Variants in MYO5A observed in about 807,000 individuals in gnomAD.
The protein encoded by MYO5A is myosin VA, also known as unconventional myosin-Va.
In MYO5A, 98 loss-of-function variants were observed where a neutral mutation model predicts 249.7. That is an observed-to-expected ratio of 0.39 (90% confidence interval 0.33 to 0.46). The LOEUF is 0.46. Ranked by LOEUF, MYO5A falls within the 20% of genes least tolerant of loss-of-function variation. The pLI is 0.98. For missense variants in MYO5A, 1,696 were observed against 2,308.8 expected (o/e 0.73, Z 5.44); for synonymous variants, 778 against 810.6 (o/e 0.96, Z 0.68).
At chr15:52,516,272 T>C (rs982530270) in intron 1 of MYO5A, among the ~76,000 whole-genome samples, 3 of 152,162 alleles carry the variant, frequency 2.0e-5, no homozygotes, top group Non-Finnish European at 2.9e-5. Context: ...AGGAAACAGT[T>C]GCAACAAAGC....
intron 1 of MYO5A, among the ~76,000 whole-genome samples, chr15:52,512,598 T>C (rs1464823314): frequency 1.3e-5 from 2 of 152,176 alleles, no homozygotes. Context: ...TGAGATTACA[T>C]ACAATTTTTC....
chr15:52,500,730 C>G (rs930598688), intron 1 of MYO5A, among the ~76,000 whole-genome samples: 43 of 152,100 alleles, frequency 2.8e-4, no homozygotes, highest in African/African-American at 9.9e-4. Context: ...TATGGATTTT[C>G]TTTTATTTGT....
At chr15:52,428,182 G>A (rs1567116458) in intron 3 of MYO5A, among the ~76,000 whole-genome samples, 1 of 152,142 alleles carries the variant, frequency 6.6e-6, no homozygotes, top group Non-Finnish European at 1.5e-5. Context: ...CAAAAGATGG[G>A]CCCAGTCTTT....
intron 1 of MYO5A, among the ~76,000 whole-genome samples, chr15:52,447,657 C>G (rs2600901): frequency 0.11 from 17,405 of 152,006 alleles, 1,237 homozygotes; most frequent in South Asian, 0.17. Flanking sequence ...ATGGTTATGA[C>G]CAAAATGCTG....
intron 13 of MYO5A, among the ~76,000 whole-genome samples, chr15:52,388,600 C>A (rs576397612): frequency 6.6e-6 from 1 of 152,298 alleles, no homozygotes; most frequent in African/African-American, 2.4e-5. Flanking sequence ...ACCCCAAAGC[C>A]TACATCACAG....
intron 1 of MYO5A, among the ~76,000 whole-genome samples, chr15:52,473,140 T>C (rs576488080): frequency 2.0e-5 from 3 of 152,310 alleles, no homozygotes; most frequent in East Asian, 1.9e-4. Flanking sequence ...TCTCTGATGG[T>C]CAGTGATGAT....
At chr15:52,381,799 C>CACACAT (rs2041754205) in intron 16 of MYO5A, among the ~76,000 whole-genome samples, 1 of 152,114 alleles carries the variant, frequency 6.6e-6, no homozygotes, top group Non-Finnish European at 1.5e-5. Context: ...CACACACACA[C>CACACAT]ACACACACAC....
chr15:52,316,942 G>C (rs1297723286), intron 40 of MYO5A, 106 bp downstream of exon 40: 3 of 1,250,218 alleles, frequency 2.4e-6, no homozygotes, highest in Non-Finnish European at 3.5e-6. Flanking sequence ...GAACACAGAT[G>C]AAGTCAGCTC....
chr15:52,336,642 A>C (rs1401368491), intron 33 of MYO5A, 86 bp from the exon 34 acceptor site: 3 of 1,027,812 alleles, frequency 2.9e-6, no homozygotes, highest in African/African-American at 3.2e-5. Context: ...AATATCACAG[A>C]AACAACACGT....
intron 4 of MYO5A, among the ~76,000 whole-genome samples, chr15:52,424,163 T>A (rs1001067716): frequency 6.6e-6 from 1 of 152,220 alleles, no homozygotes; most frequent in Non-Finnish European, 1.5e-5. Context: ...TACCAATAGA[T>A]GGAATTTTCT....
chr15:52,416,060 C>T, intron 5 of MYO5A, 85 bp downstream of exon 5: 2 of 1,492,660 alleles, frequency 1.3e-6, no homozygotes, highest in Non-Finnish European at 1.9e-6. Context: ...CCCAGGCTTT[C>T]TGAGACATGC....
At chr15:52,521,013 T>C (rs1030136172) in intron 1 of MYO5A, among the ~76,000 whole-genome samples, 7 of 152,082 alleles carry the variant, frequency 4.6e-5, no homozygotes, top group Admixed American at 3.3e-4. Flanking sequence ...GCGTATCACA[T>C]GGTCAGGAGT....
At chr15:52,428,334 T>G in intron 3 of MYO5A, 64 bp downstream of exon 3, 1 of 1,512,060 alleles carries the variant, frequency 6.6e-7, no homozygotes, top group Non-Finnish European at 9.2e-7. Flanking sequence ...TGTACAATAT[T>G]TCTATGGCTA....
chr15:52,454,570 A>G (rs1456114073), intron 1 of MYO5A, among the ~76,000 whole-genome samples: 6 of 152,170 alleles, frequency 3.9e-5, no homozygotes, highest in Admixed American at 3.3e-4. Context: ...TCATCAGCAC[A>G]TGAAATATTC....
intron 14 of MYO5A, among the ~76,000 whole-genome samples, chr15:52,385,565 T>C (rs2041937796): frequency 6.6e-6 from 1 of 151,518 alleles, no homozygotes; most frequent in Non-Finnish European, 1.5e-5. Context: ...TATAATTCCA[T>C]ATATATATAT....
intron 5 of MYO5A, among the ~76,000 whole-genome samples, chr15:52,413,445 G>A (rs1436257532): frequency 3.9e-5 from 6 of 152,126 alleles, no homozygotes; most frequent in Non-Finnish European, 8.8e-5. Context: ...CCTATGTTGA[G>A]AATGAGGAGC....
chr15:52,425,625 G>T (rs1224068180), intron 4 of MYO5A, among the ~76,000 whole-genome samples: 1 of 152,148 alleles, frequency 6.6e-6, no homozygotes, highest in Non-Finnish European at 1.5e-5. Flanking sequence ...CTCCCAAAGT[G>T]CTGGGAATAC....
intron 20 of MYO5A, among the ~76,000 whole-genome samples, chr15:52,372,800 T>A (rs2041197340): frequency 6.6e-6 from 1 of 152,172 alleles, no homozygotes; most frequent in African/African-American, 2.4e-5. Context: ...CTGTAAACTA[T>A]GTGCTACTAA....
intron 9 of MYO5A, among the ~76,000 whole-genome samples, chr15:52,405,051 TCACACACACACACA>T (rs58764245): frequency 2.6e-4 from 37 of 140,286 alleles, no homozygotes; most frequent in African/African-American, 8.5e-4. Context: ...TCTCTCTCTG[TCACACACACACACA>T]CACACACACA....
Sources: gnomAD v4.1 joint callset for allele counts (sites outside exome capture counted in the v4.1 genomes callset) on GRCh38, gnomAD v4.1.1 for gene constraint, MANE v1.5 for transcripts, NCBI Gene and HGNC (gene_info 2026-07-23, HGNC 2026-07-21) for gene names.